Variants in ADCY2 observed in about 807,000 individuals in gnomAD.
The protein encoded by ADCY2 is adenylate cyclase type 2.
A neutral mutation model predicts 125.2 loss-of-function variants in ADCY2; 31 were observed. That is an observed-to-expected ratio of 0.25 (90% confidence interval 0.19 to 0.33). The LOEUF (loss-of-function observed/expected upper bound fraction) is 0.33. Among genes scored for constraint, ADCY2 ranks in the 10% least tolerant of loss-of-function variants. The pLI is 1.00. For missense variants in ADCY2, 904 were observed against 1,418.2 expected (o/e 0.64, Z 5.82); for synonymous variants, 512 against 548.4 (o/e 0.93, Z 0.93).
chr5:7,654,593 G>A (rs919540283), intron 4 of ADCY2, among the ~76,000 whole-genome samples: 1 of 152,100 alleles, frequency 6.6e-6, no homozygotes, highest in African/African-American at 2.4e-5. Context: ...TGTTTCTCCT[G>A]TCTTTTATTA....
At chr5:7,645,747 A>G (rs937046142) in intron 4 of ADCY2, among the ~76,000 whole-genome samples, 1 of 152,214 alleles carries the variant, frequency 6.6e-6, no homozygotes, top group Non-Finnish European at 1.5e-5. Context: ...CAGGCTTTCC[A>G]AATAACCATG....
At chr5:7,752,704 A>AG (rs1482470979) in intron 15 of ADCY2, among the ~76,000 whole-genome samples, 1 of 150,804 alleles carries the variant, frequency 6.6e-6, no homozygotes, top group Non-Finnish European at 1.5e-5. Flanking sequence ...CAAGGGAAGA[A>AG]AAAAAAAAGG....
chr5:7,706,751 A>G lies in ADCY2; in HGVS notation c.1117A>G (p.Arg373Gly). ...TACTTCCCTTCTCTTTAGGAAAGTG[A>G]GGGATGCTACTGGAGTTGATATCAA... ...LDMCEAIKKV[R>G]DATGVDINMR... Residue 373 changes from arginine to glycine, a missense_variant, in exon 8 of 25, where the codon AGG (arginine) becomes GGG (glycine). Around this residue, in one of 7 missense-constraint regions of ADCY2, gnomAD observed 117 missense variants for 248.0 expected, o/e 0.47. Coordinates refer to ENST00000338316, the MANE Select transcript of ADCY2 (RefSeq NM_020546.3). The G allele has an allele frequency of 6.2e-7, 1 of 1,614,152 alleles. No homozygotes were observed. The highest frequency in any genetic ancestry group is 8.5e-7 in the Non-Finnish European group (1 of 1,179,996).
At chr5:7,628,029 T>G (rs935909691) in intron 4 of ADCY2, among the ~76,000 whole-genome samples, 8 of 152,256 alleles carry the variant, frequency 5.3e-5, no homozygotes, top group African/African-American at 1.7e-4. Context: ...CATAGATAGT[T>G]GTTAACTTGG....
intron 2 of ADCY2, among the ~76,000 whole-genome samples, chr5:7,510,171 A>G (rs1744002030): frequency 6.6e-6 from 1 of 152,212 alleles, no homozygotes; most frequent in Admixed American, 6.5e-5. Context: ...AATGGTTTTT[A>G]TTTTAAAATC....
At chr5:7,616,606 TCATGGGTAGTA>T (rs1211198631) in intron 3 of ADCY2, among the ~76,000 whole-genome samples, 1 of 152,208 alleles carries the variant, frequency 6.6e-6, no homozygotes, top group Admixed American at 6.5e-5. Flanking sequence ...CATTAAACCA[TCATGGGTAGTA>T]CATGGAATTT....
rs142988876 is a variant in ADCY2 at position 7,465,047 on chromosome 5, T to C, written c.408+50277T>C. On this transcript the variant is annotated intron_variant, in intron 2 of 24. Transcript: ENST00000338316. ...AAGGGGTTTCCCCTTATAAAACCAT[T>C]AGATCTCATGAGACTTACTCACTAC... is the stretch of plus-strand genomic sequence containing the variant. Among the ~76,000 whole-genome samples, 1,014 of 152,180 alleles carry C rather than the reference T, an allele frequency of 6.7e-3. 3 individuals carry two copies. The highest frequency in any genetic ancestry group is 9.3e-3 in the Non-Finnish European group (630 of 67,988).
At chr5:7,463,512 A>C (rs26737) in intron 2 of ADCY2, among the ~76,000 whole-genome samples, 70,968 of 151,674 alleles carry the variant, frequency 0.47, 18,317 homozygotes, top group African/African-American at 0.68. Context: ...CAGATGTAGA[A>C]CCAGATCAGT....
chr5:7,420,028 G>A (rs1304830305), intron 2 of ADCY2, among the ~76,000 whole-genome samples: 2 of 152,194 alleles, frequency 1.3e-5, no homozygotes, highest in Non-Finnish European at 2.9e-5. Context: ...TCAGCCAGGA[G>A]ACCTGTGCTT....
At chr5:7,472,792 A>T (rs1742387481) in intron 2 of ADCY2, among the ~76,000 whole-genome samples, 2 of 151,984 alleles carry the variant, frequency 1.3e-5, no homozygotes, top group Non-Finnish European at 1.5e-5. Context: ...CCTTGTCCTT[A>T]GGGTGTGTTC....
chr5:7,479,125 A>G (rs4485895), intron 2 of ADCY2, among the ~76,000 whole-genome samples: 151,369 of 152,236 alleles, frequency 0.99, 75,254 homozygotes, highest in Middle Eastern at 1. Flanking sequence ...TATATACTTG[A>G]TTCATGAATT....
chr5:7,435,550 T>C (rs567220847), intron 2 of ADCY2, among the ~76,000 whole-genome samples: 2 of 152,380 alleles, frequency 1.3e-5, no homozygotes, highest in East Asian at 3.9e-4. Flanking sequence ...GCATTTAAGC[T>C]GTTAATTACA....
chr5:7,644,238 A>C (rs903644672), intron 4 of ADCY2, among the ~76,000 whole-genome samples: 4 of 152,074 alleles, frequency 2.6e-5, no homozygotes, highest in Admixed American at 2.0e-4. Flanking sequence ...CGTTCAACTG[A>C]AAACACTTCC....
intron 3 of ADCY2, among the ~76,000 whole-genome samples, chr5:7,593,934 T>G (rs1372251366): frequency 6.6e-6 from 1 of 152,150 alleles, no homozygotes; most frequent in Non-Finnish European, 1.5e-5. Context: ...ATGCAGATAC[T>G]TGGGTTAAGA....
Position 7,690,767 on chromosome 5 carries a change from G to T in ADCY2, c.797G>T (p.Gly266Val). The change falls in exon 5 of 25, where the codon GGC becomes GTC. Residue 266 changes from glycine (G) to valine (V), a missense_variant. This residue lies in a region of ADCY2 where 117 missense variants were observed against 248.0 expected (regional missense o/e 0.47). Transcript: ENST00000338316. ...GCGGAGATCATCCAGAGGCTGCAGG[G>T]CCCCAAGGCGGGCCAGATGGAGAAC... ...MKAEIIQRLQ[G>V]PKAGQMENTN... is the part of the protein sequence containing the mutation. 1 of 1,610,638 alleles carries T rather than the reference G, an allele frequency of 6.2e-7. No homozygotes were observed. Among genetic ancestry groups the T allele is most frequent in the Non-Finnish European group, 8.5e-7 (1 of 1,178,732 alleles).
chr5:7,608,663 A>G (rs1357337449), intron 3 of ADCY2, among the ~76,000 whole-genome samples: 1 of 152,174 alleles, frequency 6.6e-6, no homozygotes, highest in Non-Finnish European at 1.5e-5. Flanking sequence ...CTCTTTAGAT[A>G]TTTTTATTCC....
At chr5:7,440,808 A>G (rs1740986565) in intron 2 of ADCY2, among the ~76,000 whole-genome samples, 1 of 152,230 alleles carries the variant, frequency 6.6e-6, no homozygotes, top group African/African-American at 2.4e-5. Flanking sequence ...ACCATGTCGG[A>G]TAAGCCAGAA....
chr5:7,545,212 C>T (rs1329991115), intron 3 of ADCY2, among the ~76,000 whole-genome samples: 1 of 152,184 alleles, frequency 6.6e-6, no homozygotes. Context: ...TCTTGGGCAC[C>T]ATCCAGGAAA....
chr5:7,689,994 A>G (rs1161153214), intron 4 of ADCY2, among the ~76,000 whole-genome samples: 3 of 152,218 alleles, frequency 2.0e-5, no homozygotes, highest in Non-Finnish European at 4.4e-5. Context: ...GAATAAGTTT[A>G]TGTTAAAATG....
Sources: allele counts gnomAD v4.1 joint callset (sites outside exome capture counted in the v4.1 genomes callset), GRCh38; gene constraint gnomAD v4.1.1; regional missense constraint gnomAD v4.1.1; transcripts MANE v1.5; gene names NCBI Gene and HGNC (gene_info 2026-07-23, HGNC 2026-07-21).